SLC10A7: variants seen among roughly 807,000 people sequenced by gnomAD.
SLC10A7 encodes the protein sodium/bile acid cotransporter 7.
In SLC10A7, 29 loss-of-function variants were observed where a neutral mutation model predicts 43.2. The ratio of observed to expected loss-of-function variants is 0.67; its 90% CI spans 0.50 to 0.92. The LOEUF is 0.92. Ranked by LOEUF, SLC10A7 falls within the 40% of genes least tolerant of loss-of-function variation. The probability of loss-of-function intolerance (pLI) is 0.00; values close to 1 mark genes in which losing one functional copy is unlikely to be tolerated. For synonymous variants in SLC10A7, 152 were observed against 144.8 expected (o/e 1.05, Z -0.35); for missense variants, 295 against 403.2 (o/e 0.73, Z 2.30).
At chr4:146,506,998 T>G (rs928823922) in intron 3 of SLC10A7, among the ~76,000 whole-genome samples, 2 of 152,326 alleles carry the variant, frequency 1.3e-5, no homozygotes, top group Admixed American at 1.3e-4. Flanking sequence ...GCATACAACA[T>G]GATGTTTTGA....
chr4:146,461,823 C>CT (rs10695588), intron 4 of SLC10A7, among the ~76,000 whole-genome samples: 4,022 of 136,270 alleles, frequency 0.03, 191 homozygotes, highest in African/African-American at 0.1. Flanking sequence ...AGTGACCAGG[C>CT]TTTTTTTTTT....
intron 6 of SLC10A7, among the ~76,000 whole-genome samples, chr4:146,317,947 C>T (rs939254205): frequency 1.3e-5 from 2 of 151,940 alleles, no homozygotes; most frequent in African/African-American, 4.8e-5. Flanking sequence ...TTCTAGGCTC[C>T]ATAATTGCAT....
In SLC10A7 at chr4:146,392,898, C is replaced by A. The variant is rs549015662; in HGVS notation, c.435+49885G>T. On this transcript the variant is annotated intron_variant, in intron 5 of 11. Transcript: ENST00000335472. The stretch of plus-strand genomic sequence containing the variant: ...TACCTCAGCCTCATCTCAAGCAATT[C>A]TCCTCTCCATTTTCTGAGCTCATGG... Among the ~76,000 whole-genome samples the A allele has an allele frequency of 2.6e-5, 4 of 152,220 alleles. No homozygotes were observed. In the South Asian group the frequency reaches 8.3e-4, roughly 32 times the overall value.
At chr4:146,469,299 A>G (rs960007521) in intron 4 of SLC10A7, among the ~76,000 whole-genome samples, 2 of 152,218 alleles carry the variant, frequency 1.3e-5, no homozygotes, top group Non-Finnish European at 2.9e-5. Context: ...GGAGAGGTAG[A>G]AGCTATTGCT....
intron 5 of SLC10A7, among the ~76,000 whole-genome samples, chr4:146,336,285 T>C (rs1055223863): frequency 4.6e-5 from 7 of 152,098 alleles, no homozygotes; most frequent in African/African-American, 1.7e-4. Context: ...AATTAGAAAT[T>C]ATATTTCAAA....
chr4:146,370,273 A>G (rs1054466402), intron 5 of SLC10A7, among the ~76,000 whole-genome samples: 1 of 152,190 alleles, frequency 6.6e-6, no homozygotes, highest in East Asian at 1.9e-4. Flanking sequence ...TCTCTTCGGA[A>G]CACAAGTAAT....
At chr4:146,344,375 C>A (rs915826927) in intron 5 of SLC10A7, among the ~76,000 whole-genome samples, 1 of 152,012 alleles carries the variant, frequency 6.6e-6, no homozygotes, top group Non-Finnish European at 1.5e-5. Flanking sequence ...AACAGATACA[C>A]GGAAGAAGCG....
At chr4:146,476,479 T>C (rs1386790241) in intron 4 of SLC10A7, among the ~76,000 whole-genome samples, 1 of 151,966 alleles carries the variant, frequency 6.6e-6, no homozygotes, top group Non-Finnish European at 1.5e-5. Context: ...CCCGTTTAAA[T>C]TGTGTGTGTG....
chr4:146,311,052 G>C (rs1054534352), intron 6 of SLC10A7, among the ~76,000 whole-genome samples: 1 of 151,920 alleles, frequency 6.6e-6, no homozygotes, highest in Non-Finnish European at 1.5e-5. Context: ...TCCCAAGGAT[G>C]GTACATAACT....
chr4:146,283,177 C>T lies in SLC10A7; in HGVS notation c.847+15G>A, dbSNP rs1249789409. 1 of 1,603,340 alleles carries T rather than the reference C, an allele frequency of 6.2e-7. No homozygotes were observed. The highest frequency in any genetic ancestry group is 1.3e-5 in the African/African-American group (1 of 74,792). ...TGAGGGTAATAGGTGGTTTTTAACT[C>T]TGTGAATCACTTACCCAATGTAAGG... On this transcript the variant is annotated intron_variant, in intron 10 of 11. Coordinates refer to ENST00000335472, the MANE Select transcript of SLC10A7 (RefSeq NM_001029998.6).
At chr4:146,354,421 A>C (rs376637483) in intron 5 of SLC10A7, among the ~76,000 whole-genome samples, 1,675 of 151,648 alleles carry the variant, frequency 0.011, 33 homozygotes, top group African/African-American at 0.038. Context: ...ATTCCATGCT[A>C]ATGGGTAGGA....
chr4:146,333,712 G>A (rs563442794), intron 5 of SLC10A7, among the ~76,000 whole-genome samples: 1 of 152,236 alleles, frequency 6.6e-6, no homozygotes, highest in African/African-American at 2.4e-5. Context: ...CCATGGTAAG[G>A]AGTTTGGGCT....
At chr4:146,465,812 C>T (rs1005199333) in intron 4 of SLC10A7, among the ~76,000 whole-genome samples, 3 of 152,144 alleles carry the variant, frequency 2.0e-5, no homozygotes, top group Non-Finnish European at 2.9e-5. Context: ...CTGAAGTCTT[C>T]ATCAGATATC....
At chr4:146,365,615 A>G (rs79803069) in intron 5 of SLC10A7, among the ~76,000 whole-genome samples, 8,628 of 152,350 alleles carry the variant, frequency 0.057, 364 homozygotes, top group South Asian at 0.18. Flanking sequence ...ATGTTTACCA[A>G]GTTAATACTT....
At chr4:146,288,174 C>T (rs1447605538) in intron 9 of SLC10A7, among the ~76,000 whole-genome samples, 2 of 152,128 alleles carry the variant, frequency 1.3e-5, no homozygotes, top group East Asian at 3.9e-4. Flanking sequence ...AAAAAGGGAA[C>T]ATTTAAGGTT....
chr4:146,331,806 T>G (rs993419092), intron 5 of SLC10A7, among the ~76,000 whole-genome samples: 4 of 152,182 alleles, frequency 2.6e-5, no homozygotes, highest in African/African-American at 9.7e-5. Context: ...AAACAGTTAG[T>G]GAAAAGTCTA....
chr4:146,308,656 C>T (rs61016468), intron 6 of SLC10A7, among the ~76,000 whole-genome samples: 9,621 of 152,130 alleles, frequency 0.063, 395 homozygotes, highest in South Asian at 0.17. Context: ...AAGGTTGTAT[C>T]AAGCAAGTGC....
intron 4 of SLC10A7, among the ~76,000 whole-genome samples, chr4:146,454,526 C>A (rs1731884023): frequency 1.3e-5 from 2 of 151,834 alleles, no homozygotes; most frequent in African/African-American, 4.8e-5. Flanking sequence ...TTATTTTTAA[C>A]AGACATTTGC....
At chr4:146,336,477 T>G (rs1469536055) in intron 5 of SLC10A7, among the ~76,000 whole-genome samples, 3 of 152,058 alleles carry the variant, frequency 2.0e-5, no homozygotes, top group African/African-American at 4.8e-5. Context: ...CAATCCACTT[T>G]CTTCCTCTTT....
Sources: gnomAD v4.1 joint callset for allele counts (sites outside exome capture counted in the v4.1 genomes callset) on GRCh38, gnomAD v4.1.1 for gene constraint, MANE v1.5 for transcripts, NCBI Gene and HGNC (gene_info 2026-07-23, HGNC 2026-07-21) for gene names.